MYO3B: variants seen among roughly 807,000 people sequenced by gnomAD.
MYO3B encodes myosin-IIIb.
In MYO3B, 156 loss-of-function variants were observed where a neutral mutation model predicts 174.6. That is an observed-to-expected ratio of 0.89 (90% CI 0.78 to 1.02). MYO3B has a LOEUF of 1.02. MYO3B is among the 50% of genes least tolerant of loss of function. The pLI, the probability that MYO3B is intolerant of heterozygous loss-of-function variation, is 0.00. For missense variants in MYO3B, 1,632 were observed against 1,639.4 expected (o/e 1.00, Z 0.08); for synonymous variants, 563 against 569.1 (o/e 0.99, Z 0.15).
intron 9 of MYO3B, among the ~76,000 whole-genome samples, chr2:170,377,283 T>A (rs905499921): frequency 6.6e-6 from 1 of 152,190 alleles, no homozygotes; most frequent in Non-Finnish European, 1.5e-5. Flanking sequence ...ATGAGAATAA[T>A]TCTTCTAGTG....
chr2:170,416,873 G>C (rs1170212951), intron 22 of MYO3B, among the ~76,000 whole-genome samples: 5 of 148,148 alleles, frequency 3.4e-5, no homozygotes, highest in Admixed American at 6.7e-5. Flanking sequence ...GCCCGGGCTG[G>C]AGAGTGCAGT....
intron 8 of MYO3B, among the ~76,000 whole-genome samples, chr2:170,356,611 C>G (rs2094123334): frequency 6.6e-6 from 1 of 152,092 alleles, no homozygotes; most frequent in Non-Finnish European, 1.5e-5. Context: ...ATCCACCCAC[C>G]TCAGCCTCCC....
intron 30 of MYO3B, among the ~76,000 whole-genome samples, chr2:170,535,554 A>G (rs902364863): frequency 1.1e-4 from 17 of 152,204 alleles, no homozygotes; most frequent in African/African-American, 4.1e-4. Flanking sequence ...GAGTCCAGTA[A>G]CAAAATTATG....
chr2:170,265,201 C>A (rs138533190), intron 7 of MYO3B, among the ~76,000 whole-genome samples: 2 of 152,298 alleles, frequency 1.3e-5, no homozygotes, highest in Non-Finnish European at 2.9e-5. Context: ...TAGTTGGAGA[C>A]AGACTTTTAA....
intron 32 of MYO3B, among the ~76,000 whole-genome samples, chr2:170,643,509 G>A (rs957478129): frequency 1.3e-5 from 2 of 152,186 alleles, no homozygotes; most frequent in Non-Finnish European, 2.9e-5. Flanking sequence ...GCAGAGCTCT[G>A]TAAATTAATT....
intron 23 of MYO3B, among the ~76,000 whole-genome samples, chr2:170,461,887 A>G (rs1339727132): frequency 6.6e-6 from 1 of 152,220 alleles, no homozygotes; most frequent in Non-Finnish European, 1.5e-5. Flanking sequence ...AAAAAGTTGA[A>G]GAAAATCCAG....
At chr2:170,519,742 G>A in intron 30 of MYO3B, 5 of 462,678 alleles carry the variant, frequency 1.1e-5, no homozygotes, top group South Asian at 1.1e-4. Flanking sequence ...GGGGGCCGAG[G>A]TGGGTGGATC....
At chr2:170,242,307 T>A (rs955359868) in intron 7 of MYO3B, among the ~76,000 whole-genome samples, 4 of 152,164 alleles carry the variant, frequency 2.6e-5, no homozygotes, top group Non-Finnish European at 2.9e-5. Flanking sequence ...GTTTTATGTA[T>A]CTTTTTCTTT....
At chr2:170,183,670 G>T (rs2032965) in intron 1 of MYO3B, among the ~76,000 whole-genome samples, 64,935 of 151,636 alleles carry the variant, frequency 0.43, 15,133 homozygotes, top group East Asian at 0.56. Context: ...TTATTTCTAT[G>T]TTTTTTTGTC....
intron 32 of MYO3B, among the ~76,000 whole-genome samples, chr2:170,608,822 G>A (rs1255520981): frequency 1.3e-5 from 2 of 152,034 alleles, no homozygotes; most frequent in Non-Finnish European, 2.9e-5. Flanking sequence ...ACAATATAAA[G>A]TTAATTACCT....
intron 32 of MYO3B, among the ~76,000 whole-genome samples, chr2:170,553,785 C>T (rs1691086860): frequency 6.6e-6 from 1 of 152,162 alleles, no homozygotes; most frequent in South Asian, 2.1e-4. Context: ...TTGTAATCCC[C>T]AGTGTTGGGA....
Position 170,499,343 on chromosome 2 carries a change from G to A in MYO3B, c.3127-303G>A, listed in dbSNP as rs548324057. 2.0e-4 allele frequency among the ~76,000 whole-genome samples: 31 copies of A among 152,268 alleles called. No individual in the cohort carries two copies. In the South Asian group the frequency reaches 6.4e-3, roughly 32 times the overall value. ...TTATCAGAGGCTATGGGGAAAGAGA[G>A]TAGATAGAGCTCAAACTGAGAAAAT... On this transcript the variant is annotated intron_variant, in intron 26 of 34. Transcript: ENST00000408978.
At chr2:170,360,643 A>G (rs1428144603) in intron 8 of MYO3B, among the ~76,000 whole-genome samples, 1 of 152,226 alleles carries the variant, frequency 6.6e-6, no homozygotes, top group East Asian at 1.9e-4. Context: ...TCCAAAATTC[A>G]GGTGCTGGCT....
intron 28 of MYO3B, among the ~76,000 whole-genome samples, chr2:170,510,833 C>A (rs1687932666): frequency 6.6e-6 from 1 of 152,158 alleles, no homozygotes; most frequent in Non-Finnish European, 1.5e-5. Context: ...TGGAGTCATA[C>A]AGCGTGAAAC....
intron 14 of MYO3B, among the ~76,000 whole-genome samples, chr2:170,387,527 TA>T (rs1364059825): frequency 6.6e-6 from 1 of 152,186 alleles, no homozygotes; most frequent in Non-Finnish European, 1.5e-5. Flanking sequence ...TAGGGATGGG[TA>T]TGCTTGTTTC....
intron 7 of MYO3B, among the ~76,000 whole-genome samples, chr2:170,317,710 C>T (rs2093785733): frequency 6.6e-6 from 1 of 152,144 alleles, no homozygotes; most frequent in South Asian, 2.1e-4. Flanking sequence ...CCCTGTGCTT[C>T]CCATGAGGCA....
chr2:170,392,504 T>G lies in MYO3B; in HGVS notation c.1791+9T>G. On this transcript the variant is annotated intron_variant, in intron 16 of 34. Transcript: ENST00000408978. ...TAGGGTTCACGGACAAAGTAAGTGA[T>G]GATCAAGAGAGGAACTCAAGTGACA... 2 of 1,491,258 alleles carry G rather than the reference T, an allele frequency of 1.3e-6. No individual in the cohort carries two copies. Among genetic ancestry groups the G allele is most frequent in the South Asian group, 2.7e-5 (2 of 74,634 alleles). The allele number at this position is 1,491,258 out of a possible 1,614,324, so 92.4% of individuals were successfully genotyped here.
intron 32 of MYO3B, among the ~76,000 whole-genome samples, chr2:170,563,143 CACAT>C (rs1314214139): frequency 2.7e-3 from 405 of 147,502 alleles, no homozygotes; most frequent in African/African-American, 9.3e-3. Context: ...CACACACACA[CACAT>C]ACACACACAC....
intron 25 of MYO3B, among the ~76,000 whole-genome samples, chr2:170,486,385 A>T (rs1397525905): frequency 6.8e-6 from 1 of 148,086 alleles, no homozygotes; most frequent in Non-Finnish European, 1.5e-5. Flanking sequence ...GCTCACCACA[A>T]CCTCCACCTC....
Sources: gnomAD v4.1 joint callset for allele counts (sites outside exome capture counted in the v4.1 genomes callset) on GRCh38, gnomAD v4.1.1 for gene constraint, MANE v1.5 for transcripts, NCBI Gene and HGNC (gene_info 2026-07-23, HGNC 2026-07-21) for gene names.